IGSF3: variants seen among roughly 807,000 people sequenced by gnomAD.
The protein encoded by IGSF3 is glu-Trp-Ile EWI motif-containing protein 3.
In IGSF3, 23 loss-of-function variants were observed where a neutral mutation model predicts 114.4. The observed-to-expected ratio is 0.20, with a 90% CI of 0.14 to 0.28. The LOEUF is 0.28. Among genes scored for constraint, IGSF3 ranks in the 10% least tolerant of loss-of-function variants. IGSF3 has a pLI of 1.00. For missense variants in IGSF3, 1,172 were observed against 1,591.5 expected (o/e 0.74, Z 4.48); for synonymous variants, 571 against 645.2 (o/e 0.88, Z 1.74).
Position 116,615,308 on chromosome 1 carries a change from A to C in IGSF3, c.421+772T>G, listed in dbSNP as rs868363920. ...ACATACACACACACACACACACACG[A>C]AAAAAAAAAGGTCTCCTGCTGGGAC... On this transcript the variant is annotated intron_variant, in intron 3 of 10. Coordinates refer to ENST00000369486, the MANE Select transcript of IGSF3 (RefSeq NM_001007237.3). The surrounding 1 kb of genome is among the most constrained non-coding windows in gnomAD (Gnocchi z 4.3). Among the ~76,000 whole-genome samples the C allele has an allele frequency of 8.8e-5, 13 of 147,630 alleles. 1 individual carries two copies. Among genetic ancestry groups the C allele is most frequent in the Middle Eastern group, 6.9e-3 (2 of 290 alleles).
Position 116,655,178 on chromosome 1 carries a change from A to G in IGSF3, c.43+11106T>C, listed in dbSNP as rs996156035. Among the ~76,000 whole-genome samples, 1 of 152,252 alleles carries G rather than the reference A, an allele frequency of 6.6e-6. No homozygotes were observed. The highest frequency in any genetic ancestry group is 1.5e-5 in the Non-Finnish European group (1 of 68,040). On this transcript the variant is annotated intron_variant, in intron 2 of 10. Coordinates refer to ENST00000369486, the MANE Select transcript of IGSF3 (RefSeq NM_001007237.3). This position sits in a 1 kb window ranked among gnomAD's most constrained non-coding sequence, Gnocchi z 4.3. ...AACTGTGAATTCTGTGGCACCGGAGATAACAGAACAATGAATGCTTGTAGC... is the reference window on the plus strand; with the variant it reads ...AACTGTGAATTCTGTGGCACCGGAGGTAACAGAACAATGAATGCTTGTAGC...
chr1:116,593,065 T>G lies in IGSF3; in HGVS notation c.2030-3961A>C, dbSNP rs1660188152. On this transcript the variant is annotated intron_variant, in intron 7 of 10. Transcript: ENST00000369486. The surrounding 1 kb of genome is among the most constrained non-coding windows in gnomAD (Gnocchi z 4.5). ...AGTGCTCAGGTGTAGTGGATGAGGT[T>G]AGAAAGGTAAGCTTCGGCCACACTG... Among the ~76,000 whole-genome samples the G allele has an allele frequency of 6.6e-6, 1 of 152,150 alleles. No individual in the cohort carries two copies. The highest frequency in any genetic ancestry group is 1.5e-5 in the Non-Finnish European group (1 of 68,022).
intron 2 of IGSF3, among the ~76,000 whole-genome samples, chr1:116,640,532 G>A (rs1216823836): frequency 1.3e-5 from 2 of 152,090 alleles, no homozygotes; most frequent in Non-Finnish European, 2.9e-5. Flanking sequence ...GTTTAAAATG[G>A]CATCACACTG....
In IGSF3 at chr1:116,618,775, A is replaced by G. The variant is rs17036057; in HGVS notation, c.44-2318T>C. ...ATTCCTGAAACACAGAACATTTTGCAAACAATTTAACTACATTCATAACAT... is the reference window on the plus strand; with the variant it reads ...ATTCCTGAAACACAGAACATTTTGCGAACAATTTAACTACATTCATAACAT... On this transcript the variant is annotated intron_variant, in intron 2 of 10. Transcript: ENST00000369486. The surrounding 1 kb of genome is among the most constrained non-coding windows in gnomAD (Gnocchi z 4.7). 0.012 allele frequency among the ~76,000 whole-genome samples: 1,791 copies of G among 152,288 alleles called. 43 individuals are homozygous for G. The highest frequency in any genetic ancestry group is 0.041 in the African/African-American group (1,712 of 41,560).
chr1:116,576,943 G>A lies in IGSF3; in HGVS notation c.*369C>T, dbSNP rs1659368289. The A allele has an allele frequency of 5.7e-6, 1 of 175,950 alleles. No individual in the cohort carries two copies. Among genetic ancestry groups the A allele is most frequent in the Admixed American group, 5.7e-5 (1 of 17,528 alleles). 10.9% of individuals were successfully genotyped at this position (175,950 alleles called of 1,614,324 possible). A position where few individuals can be genotyped will look rare whatever the true frequency, so the allele number is the denominator to read the frequency against. The stretch of plus-strand genomic sequence containing the variant: ...CGTCCACATTAAGGAATCCAAAAAG[G>A]GTAAACTAAAGGGATTTAAAAAGAG... On this transcript the variant is annotated 3_prime_UTR_variant, in exon 11 of 11. Transcript: ENST00000369486. The surrounding 1 kb of genome is among the most constrained non-coding windows in gnomAD (Gnocchi z 4.6).
chr1:116,577,428 T>C lies in IGSF3; in HGVS notation c.3469A>G (p.Asn1157Asp). 6.2e-7 allele frequency: 1 copy of C among 1,614,188 alleles called. No homozygotes were observed. The highest frequency in any genetic ancestry group is 1.1e-5 in the South Asian group (1 of 91,088). ...GGCACCCCATTCTTCCCATCAGAGT[T>C]CTTGCTGGAGTTCCGGCTCTTGAAA... ...VRFKSRNSSK[N>D]SDGKNGVPLL... Residue 1157 changes from asparagine (N) to aspartate (D), a missense_variant, in exon 11 of 11, where the codon AAC becomes GAC. Around this residue, in one of 3 missense-constraint regions of IGSF3, gnomAD observed 423 missense variants for 509.8 expected, o/e 0.83. Coordinates refer to ENST00000369486, the MANE Select transcript of IGSF3 (RefSeq NM_001007237.3). The surrounding 1 kb of genome is among the most constrained non-coding windows in gnomAD (Gnocchi z 5.7).
At position 116,664,994 on chromosome 1, in the gene IGSF3, G is replaced by C. The variant is rs1649270521; in HGVS notation, c.43+1290C>G. 6.6e-6 allele frequency among the ~76,000 whole-genome samples: 1 copy of C among 152,328 alleles called. No homozygotes were observed. Among genetic ancestry groups the C allele is most frequent in the African/African-American group, 2.4e-5 (1 of 41,576 alleles). On this transcript the variant is annotated intron_variant, in intron 2 of 10. Transcript: ENST00000369486. This position sits in a 1 kb window ranked among gnomAD's most constrained non-coding sequence, Gnocchi z 4.6. ...CCCAGTGATTCCAACATGCACACGA[G>C]AGTTTGAGAACCACTGATTGCACAA...
In IGSF3 at chr1:116,579,511, G is replaced by A. The variant is rs1342735692; in HGVS notation, c.3215C>T (p.Pro1072Leu). 2 of 1,614,062 alleles carry A rather than the reference G, an allele frequency of 1.2e-6. No individual in the cohort carries two copies. The highest frequency in any genetic ancestry group is 1.7e-6 in the Non-Finnish European group (2 of 1,180,016). The change falls in exon 10 of 11, where the codon CCC (proline) becomes CTC (leucine). Residue 1072 changes from proline (P) to leucine (L), a missense_variant. Around this residue, in one of 3 missense-constraint regions of IGSF3, gnomAD observed 423 missense variants for 509.8 expected, o/e 0.83. Coordinates refer to ENST00000369486, the MANE Select transcript of IGSF3 (RefSeq NM_001007237.3). The surrounding 1 kb of genome is among the most constrained non-coding windows in gnomAD (Gnocchi z 6.4). ...GCAGGAGTAATTGCCTGTATCTTGG[G>A]GGCTTGCCTGCAGCACTGTGAGCCG... ...LYRLTVLQAS[P>L]QDTGNYSCHV...
In IGSF3 at chr1:116,579,175, T is replaced by C. The variant is rs1047764658; in HGVS notation, c.3334+217A>G. Among the ~76,000 whole-genome samples, 2 of 152,232 alleles carry C rather than the reference T, an allele frequency of 1.3e-5. No homozygotes were observed. Among genetic ancestry groups the C allele is most frequent in the Admixed American group, 6.5e-5 (1 of 15,286 alleles). On this transcript the variant is annotated intron_variant, in intron 10 of 10. Transcript: ENST00000369486. The surrounding 1 kb of genome is among the most constrained non-coding windows in gnomAD (Gnocchi z 6.4). The stretch of plus-strand genomic sequence containing the variant: ...AGTTTATTATAAAGATTATATGGTA[T>C]GTTATCACTTTAATTTCTATCCCTA...
At chr1:116,602,362 T>TAA (rs113856068) in intron 6 of IGSF3, among the ~76,000 whole-genome samples, 271 of 145,170 alleles carry the variant, frequency 1.9e-3, no homozygotes, top group Middle Eastern at 7.1e-3. Context: ...CCAGGATGGT[T>TAA]AAAAAAAAAA....
chr1:116,604,039 G>A lies in IGSF3; in HGVS notation c.1223-14C>T. On this transcript the variant is annotated splice_polypyrimidine_tract_variant and intron_variant, in intron 5 of 10. Coordinates refer to ENST00000369486, the MANE Select transcript of IGSF3 (RefSeq NM_001007237.3). Reference sequence around the variant, plus strand: ...AGATGCTGCTCTCTAGGAAGAGGGAGAGAGAAACACCCTGGAGGCTTTATG... The same window carrying A: ...AGATGCTGCTCTCTAGGAAGAGGGAAAGAGAAACACCCTGGAGGCTTTATG... 6.3e-7 allele frequency: 1 copy of A among 1,581,912 alleles called. No homozygotes were observed. Among genetic ancestry groups the A allele is most frequent in the Non-Finnish European group, 8.6e-7 (1 of 1,166,954 alleles).
chr1:116,610,272 A>T lies in IGSF3; in HGVS notation c.833-1941T>A, dbSNP rs1188387467. Among the ~76,000 whole-genome samples the T allele has an allele frequency of 6.6e-6, 1 of 152,166 alleles. No individual in the cohort carries two copies. Among genetic ancestry groups the T allele is most frequent in the Non-Finnish European group, 1.5e-5 (1 of 68,016 alleles). On this transcript the variant is annotated intron_variant, in intron 4 of 10. Transcript: ENST00000369486. This position sits in a 1 kb window ranked among gnomAD's most constrained non-coding sequence, Gnocchi z 4.3. ...ACACCACTGGAGCTGTGCAAGGGGT[A>T]CCCTAGACCTCAGACCTTTCCGTTG... is the stretch of plus-strand genomic sequence containing the variant.
At position 116,614,530 on chromosome 1, in the gene IGSF3, C is replaced by T. The variant is rs1211896056; in HGVS notation, c.422-355G>A. Among the ~76,000 whole-genome samples the T allele has an allele frequency of 6.6e-6, 1 of 152,206 alleles. No homozygotes were observed. Among genetic ancestry groups the T allele is most frequent in the African/African-American group, 2.4e-5 (1 of 41,454 alleles). On this transcript the variant is annotated intron_variant, in intron 3 of 10. Transcript: ENST00000369486. This position sits in a 1 kb window ranked among gnomAD's most constrained non-coding sequence, Gnocchi z 4.5. ...ATTTGCTGTTGATTCTGGCACTTCTCTGAGATACTTTAACTTCACTTCTGA... is the reference window on the plus strand; with the variant it reads ...ATTTGCTGTTGATTCTGGCACTTCTTTGAGATACTTTAACTTCACTTCTGA...
At chr1:116,617,466 A>G (rs1381340270) in intron 2 of IGSF3, 3 of 463,102 alleles carry the variant, frequency 6.5e-6, no homozygotes, top group African/African-American at 6.4e-5. Context: ...TTTGCCACCA[A>G]TTAGAGCTGG....
chr1:116,656,218 CTATA>C (rs1439364321), intron 2 of IGSF3, among the ~76,000 whole-genome samples: 1 of 149,190 alleles, frequency 6.7e-6, no homozygotes, highest in East Asian at 2.0e-4. Flanking sequence ...ATATACCAAA[CTATA>C]AAGAATCTAT....
intron 2 of IGSF3, among the ~76,000 whole-genome samples, chr1:116,639,467 C>T (rs185841849): frequency 1.8e-4 from 27 of 152,348 alleles, no homozygotes; most frequent in Non-Finnish European, 3.2e-4. Context: ...GGTGTGGAGA[C>T]AGGTCCCAAC....
Position 116,625,466 on chromosome 1 carries a change from C to G in IGSF3, c.44-9009G>C, listed in dbSNP as rs1661543506. On this transcript the variant is annotated intron_variant, in intron 2 of 10. Coordinates refer to ENST00000369486, the MANE Select transcript of IGSF3 (RefSeq NM_001007237.3). The surrounding 1 kb of genome is among the most constrained non-coding windows in gnomAD (Gnocchi z 4.7). ...CGTTTTGTCACATGACTGGAGGGCA[C>G]ATCAGTGCCAGGCGGAAAAGGGCAC... Among the ~76,000 whole-genome samples, 1 of 152,206 alleles carries G rather than the reference C, an allele frequency of 6.6e-6. No homozygotes were observed. Among genetic ancestry groups the G allele is most frequent in the Admixed American group, 6.5e-5 (1 of 15,282 alleles).
rs1659669917 is a variant in IGSF3 at position 116,583,135 on chromosome 1, T to C, written c.2848+1510A>G. Reference sequence around the variant, plus strand: ...ATGAGTAAAACCTACCACTCAGAGTTATTGTGAAGACTGAACATAAGTCTC... The same window carrying C: ...ATGAGTAAAACCTACCACTCAGAGTCATTGTGAAGACTGAACATAAGTCTC... On this transcript the variant is annotated intron_variant, in intron 9 of 10. Coordinates refer to ENST00000369486, the MANE Select transcript of IGSF3 (RefSeq NM_001007237.3). The surrounding 1 kb of genome is among the most constrained non-coding windows in gnomAD (Gnocchi z 4.5). Among the ~76,000 whole-genome samples the C allele has an allele frequency of 6.6e-6, 1 of 152,156 alleles. No individual in the cohort carries two copies. Among genetic ancestry groups the C allele is most frequent in the Admixed American group, 6.5e-5 (1 of 15,284 alleles).
chr1:116,666,914 G>A lies in IGSF3; in HGVS notation c.-588C>T. 1 of 402,640 alleles carries A rather than the reference G, an allele frequency of 2.5e-6. No individual in the cohort carries two copies. Among genetic ancestry groups the A allele is most frequent in the Non-Finnish European group, 4.4e-6 (1 of 228,588 alleles). 24.9% of individuals were successfully genotyped at this position (402,640 alleles called of 1,614,324 possible). On this transcript the variant is annotated 5_prime_UTR_variant, in exon 2 of 11. Coordinates refer to ENST00000369486, the MANE Select transcript of IGSF3 (RefSeq NM_001007237.3). ...TGCCTAGGGCACACGAAGCAAGTTG[G>A]CGTTCGGCAGCCCTGAAGCGGTACC...
Sources: gnomAD v4.1 joint callset for allele counts (sites outside exome capture counted in the v4.1 genomes callset) on GRCh38, gnomAD v4.1.1 for gene constraint, gnomAD v4.1.1 regional missense constraint, Gnocchi (gnomAD v3.1) non-coding constraint, MANE v1.5 for transcripts, NCBI Gene and HGNC (gene_info 2026-07-23, HGNC 2026-07-21) for gene names.